The following GLG1 variants were observed in gnomAD, a reference collection of about 807,000 sequenced individuals.
GLG1 encodes golgi glycoprotein 1.
A neutral mutation model predicts 160.5 loss-of-function variants in GLG1; 38 were observed. The observed-to-expected ratio is 0.24, with a 90% CI of 0.18 to 0.31. The LOEUF (loss-of-function observed/expected upper bound fraction) is 0.31, where lower values mean the gene tolerates loss of function less well. Ranked by LOEUF, GLG1 falls within the 10% of genes least tolerant of loss-of-function variation. The pLI is 1.00. For synonymous variants in GLG1, 644 were observed against 543.4 expected, an observed-to-expected ratio of 1.19 and a Z score of -2.57; for missense variants, 1,373 against 1,505.2, an observed-to-expected ratio of 0.91 and a Z score of 1.45.
At position 74,493,120 on chromosome 16, in the gene GLG1, G is replaced by A; in HGVS notation, c.1071C>T (p.Thr357=). ...AATCCTGGGCAATCAGCTTTTGGCG[G>A]GTTGTAAGTGCTTCTCGACACTGAG... ...MSEKCREALT[T]RQKLIAQDYK... is the part of the protein sequence containing the mutation. Residue 357 remains threonine (T), a synonymous_variant, in exon 7 of 26, where the codon ACC becomes ACT. Transcript: ENST00000422840. 1.2e-6 allele frequency: 2 copies of A among 1,611,380 alleles called. No homozygotes were observed. Among genetic ancestry groups the A allele is most frequent in the Non-Finnish European group, 1.7e-6 (2 of 1,178,682 alleles).
intron 7 of GLG1, among the ~76,000 whole-genome samples, chr16:74,492,353 G>A (rs1393146068): frequency 1.4e-5 from 2 of 146,974 alleles, no homozygotes; most frequent in Non-Finnish European, 3.0e-5. Flanking sequence ...GTGACAAAGC[G>A]AGACTCTGTC....
At chr16:74,480,434 G>C (rs1225616807) in intron 10 of GLG1, 40 bp from the exon 11 acceptor site, 1 of 1,487,878 alleles carries the variant, frequency 6.7e-7, no homozygotes. Context: ...CTAATTAATA[G>C]ACATTTCCTT....
chr16:74,603,325 G>C (rs1958488431), intron 1 of GLG1, among the ~76,000 whole-genome samples: 1 of 148,396 alleles, frequency 6.7e-6, no homozygotes, highest in Non-Finnish European at 1.5e-5. Flanking sequence ...CAGAAGAACT[G>C]CTTGAACCAG....
chr16:74,533,493 T>A (rs543962362), intron 1 of GLG1, among the ~76,000 whole-genome samples: 49 of 151,798 alleles, frequency 3.2e-4, no homozygotes, highest in Non-Finnish European at 6.2e-4. Context: ...GGCGGCACCA[T>A]TTCCTGGGTG....
intron 2 of GLG1, among the ~76,000 whole-genome samples, chr16:74,523,153 ACCATTTAAGAAAT>A (rs1182953289): frequency 6.6e-6 from 1 of 152,198 alleles, no homozygotes; most frequent in Non-Finnish European, 1.5e-5. Context: ...GAGGCACACA[ACCATTTAAGAAAT>A]CTTTGCCAAT....
chr16:74,588,290 A>T (rs887987061), intron 1 of GLG1, among the ~76,000 whole-genome samples: 31 of 152,126 alleles, frequency 2.0e-4, no homozygotes, highest in Non-Finnish European at 2.5e-4. Flanking sequence ...ATAAAAATAT[A>T]AAAAAAATAG....
chr16:74,591,330 C>CAA (rs546964949), intron 1 of GLG1, among the ~76,000 whole-genome samples: 4 of 133,762 alleles, frequency 3.0e-5, no homozygotes, highest in Non-Finnish European at 6.4e-5. Context: ...GACTCCATCT[C>CAA]AAAAAAAAAA....
At chr16:74,494,636 A>T (rs1013119045) in intron 6 of GLG1, 124 bp downstream of exon 6, 3 of 486,890 alleles carry the variant, frequency 6.2e-6, no homozygotes, top group African/African-American at 5.9e-5. Flanking sequence ...TGAACTCCTG[A>T]CCTCGTGATC....
intron 3 of GLG1, among the ~76,000 whole-genome samples, chr16:74,504,538 T>C (rs1330642762): frequency 6.6e-6 from 1 of 152,202 alleles, no homozygotes; most frequent in Non-Finnish European, 1.5e-5. Flanking sequence ...CCCACCCACC[T>C]TGGCTTCCCA....
At chr16:74,528,565 A>G (rs2017416301) in intron 2 of GLG1, among the ~76,000 whole-genome samples, 1 of 151,880 alleles carries the variant, frequency 6.6e-6, no homozygotes, top group Admixed American at 6.6e-5. Flanking sequence ...TAATCCCAGT[A>G]CTTTGGCAAG....
chr16:74,514,412 G>C (rs1271130159), intron 2 of GLG1, among the ~76,000 whole-genome samples: 1 of 152,192 alleles, frequency 6.6e-6, no homozygotes, highest in South Asian at 2.1e-4. Flanking sequence ...TACCCACAAA[G>C]GGAAGCCCAA....
chr16:74,508,728 A>C (rs997414094), intron 3 of GLG1, 111 bp downstream of exon 3: 47 of 614,412 alleles, frequency 7.6e-5, no homozygotes, highest in Non-Finnish European at 1.1e-4. Context: ...ACCAAGACAG[A>C]TGTGAATTCT....
Position 74,460,943 on chromosome 16 carries a change from C to T in GLG1, c.3036+1151G>A, listed in dbSNP as rs531729682. 2.0e-5 allele frequency among the ~76,000 whole-genome samples: 3 copies of T among 152,340 alleles called. No homozygotes were observed. In the East Asian group the frequency reaches 5.8e-4, roughly 29 times the overall value. On this transcript the variant is annotated intron_variant, in intron 22 of 25. Transcript: ENST00000422840. ...GAAAGTGTGCACACGCGCGTACCCG[C>T]ACACACACGCACACATACACAGGAG... is the stretch of plus-strand genomic sequence containing the variant.
chr16:74,515,560 G>A (rs979377907), intron 2 of GLG1, among the ~76,000 whole-genome samples: 1 of 151,856 alleles, frequency 6.6e-6, no homozygotes, highest in Non-Finnish European at 1.5e-5. Context: ...GGTAAATAAC[G>A]AAATGAAGGC....
intron 5 of GLG1, among the ~76,000 whole-genome samples, chr16:74,495,778 T>A (rs1246876388): frequency 6.6e-6 from 1 of 152,108 alleles, no homozygotes. Flanking sequence ...AGAACTGAAA[T>A]TGAGAAGTGA....
At position 74,480,371 on chromosome 16, in the gene GLG1, T is replaced by C. The variant is rs932614298; in HGVS notation, c.1697A>G (p.Lys566Arg). Residue 566 changes from lysine (K) to arginine (R), a missense_variant, in exon 11 of 26, where the codon AAG becomes AGG. Lys to Arg is a conservative substitution (Grantham distance 26). Coordinates refer to ENST00000422840, the MANE Select transcript of GLG1 (RefSeq NM_001145667.2). ...AAGACGAGAAGCGTCTCCCTGGCACTTGCGGTACAGGACAGGGTCCAGCCT... is the reference window on the plus strand; with the variant it reads ...AAGACGAGAAGCGTCTCCCTGGCACCTGCGGTACAGGACAGGGTCCAGCCT... The part of the protein sequence containing the change: ...DWKLDPVLYR[K>R]CQGDASRLCH... 6.2e-7 allele frequency: 1 copy of C among 1,613,474 alleles called. No homozygotes were observed. The highest frequency in any genetic ancestry group is 2.2e-5 in the East Asian group (1 of 44,876).
intron 19 of GLG1, among the ~76,000 whole-genome samples, chr16:74,463,732 T>TTTTG (rs1555507089): frequency 2.6e-5 from 4 of 151,244 alleles, no homozygotes; most frequent in East Asian, 2.0e-4. Flanking sequence ...TTGTGTTTTT[T>TTTTG]TTGTTGTTGT....
intron 2 of GLG1, among the ~76,000 whole-genome samples, chr16:74,527,245 C>CTTTTTTTTTT (rs71158522): frequency 7.2e-5 from 6 of 83,084 alleles, no homozygotes; most frequent in South Asian, 4.3e-4. Context: ...TAAGTCAGTT[C>CTTTTTTTTTT]TTTTTTTTTT....
At chr16:74,541,140 A>G (rs1429196418) in intron 1 of GLG1, among the ~76,000 whole-genome samples, 1 of 152,026 alleles carries the variant, frequency 6.6e-6, no homozygotes, top group Non-Finnish European at 1.5e-5. Flanking sequence ...CCTGGCCAAT[A>G]TGGTGAAACC....
Sources: allele counts gnomAD v4.1 joint callset (sites outside exome capture counted in the v4.1 genomes callset), GRCh38; gene constraint gnomAD v4.1.1; transcripts MANE v1.5; gene names NCBI Gene and HGNC (gene_info 2026-07-23, HGNC 2026-07-21).